Variants in C10orf90 observed in about 807,000 individuals in gnomAD.
C10orf90 encodes chromosome 10 open reading frame 90, also known as (E2-independent) E3 ubiquitin-conjugating enzyme FATS.
In C10orf90, 56 loss-of-function variants were observed where a neutral mutation model predicts 62.5. The observed-to-expected ratio is 0.90, with a 90% confidence interval of 0.72 to 1.12. The LOEUF is 1.12. Among genes scored for constraint, C10orf90 ranks in the 50% most tolerant of loss-of-function variants. C10orf90 has a pLI of 0.00. For synonymous variants in C10orf90, 386 were observed against 340.4 expected, an observed-to-expected ratio of 1.13 and a Z score of -1.47; for missense variants, 970 against 880.4, an observed-to-expected ratio of 1.10 and a Z score of -1.29.
At chr10:126,466,444 T>A (rs769249834) in intron 4 of C10orf90, among the ~76,000 whole-genome samples, 8 of 152,082 alleles carry the variant, frequency 5.3e-5, no homozygotes, top group Non-Finnish European at 1.0e-4. Flanking sequence ...AAAAAGGAAT[T>A]GAGCTCATGA....
intron 2 of C10orf90, among the ~76,000 whole-genome samples, chr10:126,634,874 G>A (rs1265378275): frequency 6.6e-6 from 1 of 152,142 alleles, no homozygotes; most frequent in Non-Finnish European, 1.5e-5. Context: ...GGAAAGAACA[G>A]TATCCTTTGA....
intron 2 of C10orf90, among the ~76,000 whole-genome samples, chr10:126,525,658 A>T (rs959893765): frequency 6.6e-6 from 1 of 152,296 alleles, no homozygotes. Context: ...ACATGGTCCG[A>T]GAGCCTAGCA....
intron 4 of C10orf90, among the ~76,000 whole-genome samples, chr10:126,490,076 A>T (rs1187145011): frequency 8.2e-6 from 1 of 122,234 alleles, no homozygotes; most frequent in Non-Finnish European, 1.6e-5. Context: ...ATAATATATA[A>T]TATAATAATA....
intron 1 of C10orf90, among the ~76,000 whole-genome samples, chr10:126,650,413 A>G (rs1478163398): frequency 6.6e-6 from 1 of 152,210 alleles, no homozygotes; most frequent in East Asian, 1.9e-4. Context: ...GTGAGGAGCT[A>G]TCATTGAGGG....
chr10:126,634,003 G>A (rs1845901437), intron 2 of C10orf90, among the ~76,000 whole-genome samples: 2 of 152,180 alleles, frequency 1.3e-5, no homozygotes, highest in Admixed American at 1.3e-4. Flanking sequence ...AGAAGCAGAG[G>A]AATTGGAACC....
At chr10:126,577,051 G>A (rs1000156065) in intron 2 of C10orf90, among the ~76,000 whole-genome samples, 26 of 151,738 alleles carry the variant, frequency 1.7e-4, no homozygotes, top group African/African-American at 6.0e-4. Flanking sequence ...ATTACAGCTA[G>A]ATAGGAAGAA....
intron 4 of C10orf90, among the ~76,000 whole-genome samples, chr10:126,474,505 T>C (rs764189955): frequency 1.5e-4 from 23 of 152,296 alleles, no homozygotes; most frequent in Admixed American, 2.6e-4. Context: ...AAATTTAAAA[T>C]AGTGTAAGTA....
At chr10:126,490,103 ATATATG>A (rs1259161564) in intron 4 of C10orf90, among the ~76,000 whole-genome samples, 2 of 114,924 alleles carry the variant, frequency 1.7e-5, no homozygotes, top group East Asian at 4.5e-4. Context: ...AATATATAAT[ATATATG>A]TATATAATTA....
chr10:126,646,255 T>C (rs1336450844), intron 2 of C10orf90, among the ~76,000 whole-genome samples: 1 of 152,240 alleles, frequency 6.6e-6, no homozygotes, highest in Non-Finnish European at 1.5e-5. Context: ...GTCCCATTAC[T>C]CATCCCTGAT....
chr10:126,603,134 A>T, intron 2 of C10orf90, among the ~76,000 whole-genome samples: 1 of 152,058 alleles, frequency 6.6e-6, no homozygotes, highest in East Asian at 1.9e-4. Flanking sequence ...GCTGGAAGTC[A>T]TCTGTATTAG....
chr10:126,501,816 T>C (rs1405455416), intron 4 of C10orf90, among the ~76,000 whole-genome samples: 1 of 152,012 alleles, frequency 6.6e-6, no homozygotes, highest in Non-Finnish European at 1.5e-5. Flanking sequence ...AACATAGCAG[T>C]GGAAAGCCAA....
At chr10:126,636,210 A>C (rs1432215468) in intron 2 of C10orf90, among the ~76,000 whole-genome samples, 1 of 152,166 alleles carries the variant, frequency 6.6e-6, no homozygotes, top group African/African-American at 2.4e-5. Flanking sequence ...AGCTGGAAAG[A>C]GATCATCGGC....
At chr10:126,538,074 G>T (rs1864281582) in intron 2 of C10orf90, among the ~76,000 whole-genome samples, 1 of 152,212 alleles carries the variant, frequency 6.6e-6, no homozygotes, top group African/African-American at 2.4e-5. Flanking sequence ...ATTTACAAAG[G>T]AAAGAGGTTT....
intron 2 of C10orf90, among the ~76,000 whole-genome samples, chr10:126,636,624 TG>T (rs1845955439): frequency 6.6e-6 from 1 of 152,224 alleles, no homozygotes; most frequent in Admixed American, 6.5e-5. Context: ...CCTTTTCTGC[TG>T]GGAAGCTGGA....
At chr10:126,660,102 G>C (rs1436278516) in intron 1 of C10orf90, among the ~76,000 whole-genome samples, 1 of 152,174 alleles carries the variant, frequency 6.6e-6, no homozygotes, top group Admixed American at 6.5e-5. Flanking sequence ...TTAAAATATA[G>C]TGTGGCAGGC....
chr10:126,619,326 C>T (rs923522361), intron 2 of C10orf90, among the ~76,000 whole-genome samples: 4 of 152,198 alleles, frequency 2.6e-5, no homozygotes, highest in East Asian at 1.9e-4. Context: ...TGTTGAATCA[C>T]TTGGCATAGA....
Position 126,504,639 on chromosome 10 carries a change from A to G in C10orf90, c.852T>C (p.Gly284=), listed in dbSNP as rs1862606840. The G allele has an allele frequency of 1.2e-6, 2 of 1,614,048 alleles. No homozygotes were observed. The highest frequency in any genetic ancestry group is 1.7e-6 in the Non-Finnish European group (2 of 1,180,030). The change falls in exon 4 of 10, where the codon GGT becomes GGC. Residue 284 remains glycine (G), a synonymous_variant. Transcript: ENST00000488181. This position sits in a 1 kb window ranked among gnomAD's most constrained non-coding sequence, Gnocchi z 4.1. ...PPALANGAHP[G]RHQRSFACTE... ...TGCAGGCAAAAGATCTCTGATGCCGACCTGGATGGGCGCCATTGGCCAGAG... is the reference window on the plus strand; with the variant it reads ...TGCAGGCAAAAGATCTCTGATGCCGGCCTGGATGGGCGCCATTGGCCAGAG...
intron 2 of C10orf90, among the ~76,000 whole-genome samples, chr10:126,522,330 G>A (rs952865481): frequency 2.6e-5 from 4 of 152,178 alleles, no homozygotes; most frequent in Non-Finnish European, 5.9e-5. Flanking sequence ...CAACTACAGG[G>A]TGAGTTCCCC....
At chr10:126,521,819 A>C (rs758318012) in intron 2 of C10orf90, among the ~76,000 whole-genome samples, 6 of 152,246 alleles carry the variant, frequency 3.9e-5, no homozygotes, top group Non-Finnish European at 8.8e-5. Flanking sequence ...CTTTGACACT[A>C]AATTATAATG....
Sources: allele counts gnomAD v4.1 joint callset (sites outside exome capture counted in the v4.1 genomes callset), GRCh38; gene constraint gnomAD v4.1.1; non-coding constraint Gnocchi (gnomAD v3.1); transcripts MANE v1.5; gene names NCBI Gene and HGNC (gene_info 2026-07-23, HGNC 2026-07-21).